The following SUPT3H variants were observed in gnomAD, a reference collection of about 807,000 sequenced individuals.
The protein encoded by SUPT3H is SPT3 homolog, SAGA and STAGA complex component, also known as transcription initiation protein SPT3 homolog.
A neutral mutation model predicts 44.3 loss-of-function variants in SUPT3H; 44 were observed. The ratio of observed to expected loss-of-function variants is 0.99; its 90% CI spans 0.78 to 1.28. The LOEUF is 1.28. Ranked by LOEUF, SUPT3H falls within the 50% of genes most tolerant of loss-of-function variation. The pLI is 0.00. For missense variants in SUPT3H, 380 were observed against 387.1 expected, an observed-to-expected ratio of 0.98 and a Z score of 0.15; for synonymous variants, 124 against 125.6, an observed-to-expected ratio of 0.99 and a Z score of 0.09.
chr6:44,939,137 T>A (rs978612474), intron 9 of SUPT3H, among the ~76,000 whole-genome samples: 1 of 152,208 alleles, frequency 6.6e-6, no homozygotes, highest in Admixed American at 6.5e-5. Flanking sequence ...GGCATCATTG[T>A]CTTGTTACAG....
At chr6:45,320,809 A>G (rs917428246) in intron 2 of SUPT3H, among the ~76,000 whole-genome samples, 17 of 152,178 alleles carry the variant, frequency 1.1e-4, no homozygotes, top group South Asian at 2.1e-4. Flanking sequence ...GTACATAGAG[A>G]CGTAGTCTTC....
intron 2 of SUPT3H, among the ~76,000 whole-genome samples, chr6:45,138,925 G>A (rs1259983327): frequency 6.6e-6 from 1 of 152,136 alleles, no homozygotes; most frequent in Non-Finnish European, 1.5e-5. Flanking sequence ...TATTATTACT[G>A]CAACACTGAC....
chr6:44,825,072 C>T (rs941676436), downstream of SUPT3H, among the ~76,000 whole-genome samples: 32 of 152,272 alleles, frequency 2.1e-4, no homozygotes, highest in African/African-American at 4.6e-4. Context: ...AAGCGTGAAA[C>T]GGTAGCCTGT....
intron 10 of SUPT3H, among the ~76,000 whole-genome samples, chr6:44,929,737 C>T (rs1770224802): frequency 6.6e-6 from 1 of 151,256 alleles, no homozygotes; most frequent in African/African-American, 2.4e-5. Flanking sequence ...CATCAGCATC[C>T]CCAATCATGG....
At chr6:44,934,836 G>C (rs1206136966) in intron 9 of SUPT3H, among the ~76,000 whole-genome samples, 1 of 152,128 alleles carries the variant, frequency 6.6e-6, no homozygotes, top group African/African-American at 2.4e-5. Flanking sequence ...CAGTTTACAG[G>C]ATTTTGTTAT....
chr6:45,198,756 G>C (rs1816510537), intron 2 of SUPT3H, among the ~76,000 whole-genome samples: 1 of 67,710 alleles, frequency 1.5e-5, no homozygotes, highest in East Asian at 3.6e-4. Flanking sequence ...TCTGAGTTAA[G>C]TCACACTACC....
chr6:44,905,374 C>T (rs1007958680), intron 10 of SUPT3H, among the ~76,000 whole-genome samples: 3 of 151,832 alleles, frequency 2.0e-5, no homozygotes, highest in Non-Finnish European at 2.9e-5. Context: ...CGAACAGACA[C>T]TTCTCAAAAG....
At chr6:45,018,355 T>C (rs944711737) in intron 4 of SUPT3H, among the ~76,000 whole-genome samples, 3 of 151,234 alleles carry the variant, frequency 2.0e-5, no homozygotes, top group African/African-American at 2.4e-5. Context: ...TCCTGCCTAA[T>C]TGCCCTGGCC....
At chr6:44,918,088 T>C in intron 10 of SUPT3H, among the ~76,000 whole-genome samples, 1 of 152,170 alleles carries the variant, frequency 6.6e-6, no homozygotes, top group Non-Finnish European at 1.5e-5. Context: ...TGCATCATTT[T>C]GCCAAAAGGT....
At position 45,018,815 on chromosome 6, in the gene SUPT3H, G is replaced by T. The variant is rs545082169; in HGVS notation, c.273+1731C>A. On this transcript the variant is annotated intron_variant, in intron 4 of 10. Coordinates refer to ENST00000371459, the MANE Select transcript of SUPT3H (RefSeq NM_003599.4). Reference sequence around the variant, plus strand: ...ATATTGGTCTAAAATTCTCTTTTTTGGTTGTGTCTCTGCCCAGCTTTGGTA... The same window carrying T: ...ATATTGGTCTAAAATTCTCTTTTTTTGTTGTGTCTCTGCCCAGCTTTGGTA... Among the ~76,000 whole-genome samples the T allele has an allele frequency of 8.6e-3, 1,308 of 151,508 alleles. 23 individuals carry two copies. Among genetic ancestry groups the T allele is most frequent in the African/African-American group, 0.03 (1,229 of 41,348 alleles).
At chr6:44,910,145 C>T (rs906886841) in intron 10 of SUPT3H, among the ~76,000 whole-genome samples, 5 of 152,140 alleles carry the variant, frequency 3.3e-5, no homozygotes, top group African/African-American at 9.7e-5. Context: ...CAACTCTCTA[C>T]CTGTCTGTAG....
chr6:44,892,581 T>C (rs953618203), intron 10 of SUPT3H, among the ~76,000 whole-genome samples: 1 of 152,198 alleles, frequency 6.6e-6, no homozygotes, highest in Admixed American at 6.5e-5. Context: ...ATAATCTGCA[T>C]GCAATTAATA....
chr6:44,921,980 A>G (rs1050217248), intron 10 of SUPT3H, among the ~76,000 whole-genome samples: 4 of 152,206 alleles, frequency 2.6e-5, no homozygotes, highest in African/African-American at 9.7e-5. Flanking sequence ...ATCAGTCAAA[A>G]TATTTCCTGA....
At chr6:45,194,237 C>T (rs1351584162) in intron 2 of SUPT3H, among the ~76,000 whole-genome samples, 4 of 151,878 alleles carry the variant, frequency 2.6e-5, no homozygotes, top group Non-Finnish European at 4.4e-5. Flanking sequence ...TCTTTATTAA[C>T]TATATTTCAA....
chr6:45,061,628 A>G (rs1792051117), intron 3 of SUPT3H, among the ~76,000 whole-genome samples: 1 of 152,222 alleles, frequency 6.6e-6, no homozygotes. Context: ...ACAAAAAAAG[A>G]AATTAGGGAT....
intron 11 of SUPT3H, among the ~76,000 whole-genome samples, chr6:44,818,390 C>A (rs1187450496): frequency 6.6e-6 from 1 of 151,952 alleles, no homozygotes; most frequent in Admixed American, 6.6e-5. Flanking sequence ...AGAAAGAAAG[C>A]CTTTGTGAGC....
chr6:45,155,026 AAGTT>A (rs911096271), intron 2 of SUPT3H, among the ~76,000 whole-genome samples: 3 of 152,126 alleles, frequency 2.0e-5, no homozygotes, highest in African/African-American at 7.2e-5. Flanking sequence ...AGAAGGAAAA[AAGTT>A]AGGTTTGAAA....
intron 2 of SUPT3H, among the ~76,000 whole-genome samples, chr6:45,172,956 A>G (rs1323087511): frequency 6.6e-6 from 1 of 152,246 alleles, no homozygotes; most frequent in Admixed American, 6.5e-5. Context: ...AAAAATCTGA[A>G]AAATATCAAT....
intron 10 of SUPT3H, among the ~76,000 whole-genome samples, chr6:44,866,987 G>C (rs1481325573): frequency 2.0e-5 from 3 of 152,066 alleles, no homozygotes; most frequent in Non-Finnish European, 4.4e-5. Context: ...AGAGTGAAAG[G>C]AAACATCACT....
Sources: gnomAD v4.1 joint callset for allele counts (sites outside exome capture counted in the v4.1 genomes callset) on GRCh38, gnomAD v4.1.1 for gene constraint, MANE v1.5 for transcripts, NCBI Gene and HGNC (gene_info 2026-07-23, HGNC 2026-07-21) for gene names.